Variants in RGL1 observed in about 807,000 individuals in gnomAD.
RGL1 encodes ral guanine nucleotide dissociation stimulator-like 1.
Under a neutral mutation model 95.2 loss-of-function variants are expected in RGL1, and 24 were observed. The ratio of observed to expected loss-of-function variants is 0.25; its 90% CI spans 0.18 to 0.35. RGL1 has a LOEUF of 0.35. Among genes scored for constraint, RGL1 ranks in the 10% least tolerant of loss-of-function variants. RGL1 has a pLI of 1.00. For missense variants in RGL1, 715 were observed against 936.3 expected, an observed-to-expected ratio of 0.76 and a Z score of 3.08; for synonymous variants, 329 against 344.9, an observed-to-expected ratio of 0.95 and a Z score of 0.51.
At chr1:183,746,794 C>T (rs1203782824) in intron 2 of RGL1, among the ~76,000 whole-genome samples, 1 of 152,080 alleles carries the variant, frequency 6.6e-6, no homozygotes, top group Non-Finnish European at 1.5e-5. Flanking sequence ...TATCTCTCCC[C>T]TTGCCCCCCA....
At chr1:183,648,290 A>G (rs372888148) in intron 1 of RGL1, 7 of 1,614,094 alleles carry the variant, frequency 4.3e-6, no homozygotes, top group East Asian at 4.5e-5. Flanking sequence ...CTGAGGCAGG[A>G]AAGTCCATCT....
At chr1:183,874,140 T>C (rs1289368817) in intron 4 of RGL1, among the ~76,000 whole-genome samples, 2 of 152,224 alleles carry the variant, frequency 1.3e-5, no homozygotes, top group Admixed American at 6.5e-5. Context: ...CTGTGTTAAG[T>C]ACTGTACATA....
intron 4 of RGL1, among the ~76,000 whole-genome samples, chr1:183,878,945 T>C (rs1462166410): frequency 6.6e-6 from 1 of 152,250 alleles, no homozygotes; most frequent in Admixed American, 6.5e-5. Flanking sequence ...TTAGATTAAT[T>C]CATCCCTCTT....
rs1437871065 is a variant in RGL1 at position 183,866,190 on chromosome 1, A to G, written c.425+117A>G. The G allele has an allele frequency of 6.6e-6, 5 of 758,672 alleles. No homozygotes were observed. The African/African-American group carries it at 8.9e-5, about 13-fold the overall frequency. The allele number at this position is 758,672 out of a possible 1,614,324, so 47.0% of individuals were successfully genotyped here. A position where few individuals can be genotyped will look rare whatever the true frequency, so the allele number is the denominator to read the frequency against. ...CATGATTTTTTTTTCCATAGTGCAT[A>G]CAGAGGCTTATTTTTTGATTACCTA... On this transcript the variant is annotated intron_variant, in intron 4 of 17. Coordinates refer to ENST00000360851, the MANE Select transcript of RGL1 (RefSeq NM_001297671.3).
chr1:183,786,131 G>A (rs1378660011), intron 2 of RGL1, among the ~76,000 whole-genome samples: 2 of 151,976 alleles, frequency 1.3e-5, no homozygotes, highest in Non-Finnish European at 2.9e-5. Context: ...TCTAGGCACA[G>A]TGGCTCACAC....
chr1:183,661,975 A>G (rs1192654259), intron 1 of RGL1, among the ~76,000 whole-genome samples: 3 of 150,180 alleles, frequency 2.0e-5, no homozygotes, highest in Non-Finnish European at 4.4e-5. Flanking sequence ...GATTATCTCA[A>G]TAGATGCAGA....
At position 183,660,081 on chromosome 1, in the gene RGL1, C is replaced by T. The variant is rs186431888; in HGVS notation, c.-33+23580C>T. Among the ~76,000 whole-genome samples the T allele has an allele frequency of 4.3e-3, 651 of 152,056 alleles. 5 individuals carry two copies. Among genetic ancestry groups the T allele is most frequent in the Non-Finnish European group, 5.5e-3 (371 of 67,940 alleles). On this transcript the variant is annotated intron_variant, in intron 1 of 18. Transcript: ENST00000304685. ...AGCACTAAACATGGAAAGGAACACC[C>T]GGTACTAGCCACTGCAAAATCATGC...
intron 3 of RGL1, among the ~76,000 whole-genome samples, chr1:183,858,305 G>C (rs547332452): frequency 6.6e-6 from 1 of 152,192 alleles, no homozygotes; most frequent in South Asian, 2.1e-4. Context: ...TAAAAACTAT[G>C]GACCTTCTCT....
At chr1:183,784,841 A>C (rs1184760336) in intron 2 of RGL1, among the ~76,000 whole-genome samples, 1 of 152,214 alleles carries the variant, frequency 6.6e-6, no homozygotes, top group Non-Finnish European at 1.5e-5. Flanking sequence ...GTGAGTCCTC[A>C]CCTGTAACAA....
chr1:183,693,661 A>G (rs950226411), intron 1 of RGL1, among the ~76,000 whole-genome samples: 3 of 151,770 alleles, frequency 2.0e-5, no homozygotes, highest in African/African-American at 4.8e-5. Context: ...CTCTGCTCCA[A>G]TCCTGAGGGT....
intron 14 of RGL1, among the ~76,000 whole-genome samples, chr1:183,909,263 T>G (rs1668513496): frequency 6.6e-6 from 1 of 152,266 alleles, no homozygotes; most frequent in African/African-American, 2.4e-5. Flanking sequence ...GCATTTTTGC[T>G]GTTCCCACAT....
chr1:183,671,123 G>T (rs6663094), intron 1 of RGL1, among the ~76,000 whole-genome samples: 1 of 152,158 alleles, frequency 6.6e-6, no homozygotes, highest in Non-Finnish European at 1.5e-5. Flanking sequence ...ATCAGATCTT[G>T]TGAGAATTCA....
At chr1:183,806,068 G>T (rs1468835633) in intron 1 of RGL1, among the ~76,000 whole-genome samples, 1 of 118,022 alleles carries the variant, frequency 8.5e-6, no homozygotes, top group Non-Finnish European at 1.6e-5. Flanking sequence ...GACTAATCTA[G>T]TTTCTTTGTA....
intron 2 of RGL1, among the ~76,000 whole-genome samples, chr1:183,750,732 G>A (rs1257337900): frequency 6.6e-6 from 1 of 152,188 alleles, no homozygotes; most frequent in African/African-American, 2.4e-5. Context: ...ATGACCTTTG[G>A]ATGGGGTTTT....
intron 2 of RGL1, among the ~76,000 whole-genome samples, chr1:183,743,119 C>T (rs1467974129): frequency 6.6e-6 from 1 of 152,130 alleles, no homozygotes; most frequent in Non-Finnish European, 1.5e-5. Flanking sequence ...TCAAGTGATC[C>T]TCCTGTCTCA....
intron 9 of RGL1, 94 bp from the exon 10 acceptor site, chr1:183,897,714 T>C: frequency 2.3e-6 from 2 of 859,914 alleles, no homozygotes; most frequent in South Asian, 1.5e-5. Context: ...GCGAGAGTTA[T>C]GCAGGGTTGT....
At chr1:183,849,026 C>G (rs1386823113) in intron 3 of RGL1, among the ~76,000 whole-genome samples, 1 of 151,966 alleles carries the variant, frequency 6.6e-6, no homozygotes, top group Admixed American at 6.6e-5. Flanking sequence ...CATATACTTA[C>G]CTATGATACA....
intron 1 of RGL1, among the ~76,000 whole-genome samples, chr1:183,649,729 A>G (rs998773999): frequency 6.6e-6 from 1 of 152,248 alleles, no homozygotes; most frequent in African/African-American, 2.4e-5. Flanking sequence ...GTTAAACTCA[A>G]AAAGCTGAGA....
intron 16 of RGL1, among the ~76,000 whole-genome samples, chr1:183,918,519 T>C (rs1346041636): frequency 6.6e-6 from 1 of 152,208 alleles, no homozygotes; most frequent in Non-Finnish European, 1.5e-5. Flanking sequence ...CAAACAGTTA[T>C]GTTTTGGGAC....
Sources: allele counts gnomAD v4.1 joint callset (sites outside exome capture counted in the v4.1 genomes callset), GRCh38; gene constraint gnomAD v4.1.1; transcripts MANE v1.5; gene names NCBI Gene and HGNC (gene_info 2026-07-23, HGNC 2026-07-21).